The following PCDHA1 variants were observed in gnomAD, a reference collection of about 807,000 sequenced individuals.
The protein encoded by PCDHA1 is protocadherin alpha-1.
A neutral mutation model predicts 61.3 loss-of-function variants in PCDHA1; 42 were observed. The observed-to-expected ratio is 0.69, with a 90% CI of 0.54 to 0.89. PCDHA1 has a LOEUF of 0.89. Among genes scored for constraint, PCDHA1 ranks in the 40% least tolerant of loss-of-function variants. PCDHA1 has a pLI of 0.00. For synonymous variants in PCDHA1, 610 were observed against 553.8 expected (o/e 1.10, Z -1.43); for missense variants, 1,256 against 1,235.3 (o/e 1.02, Z -0.25).
chr5:140,849,138 A>G (rs2150253056), intron 1 of PCDHA1: 1 of 1,337,178 alleles, frequency 7.5e-7, no homozygotes, highest in South Asian at 1.3e-5. Flanking sequence ...GCTCACGGCC[A>G]CCGATGGAGG....
In PCDHA1 at chr5:140,944,191, G is replaced by T. The variant is rs181232402; in HGVS notation, c.2395-34758G>T. The stretch of plus-strand genomic sequence containing the variant: ...GGCTGGTTTTTTGTTGGTTTGTTTT[G>T]TTTTGTTTTGTTTTTAAAGAGGGTT... On this transcript the variant is annotated intron_variant, in intron 1 of 3. Coordinates refer to ENST00000504120, the MANE Select transcript of PCDHA1 (RefSeq NM_018900.4). 9.2e-5 allele frequency among the ~76,000 whole-genome samples: 14 copies of T among 152,098 alleles called. No individual in the cohort carries two copies. The East Asian group carries it at 2.5e-3, about 27-fold the overall frequency.
At chr5:140,968,621 T>C (rs782017664) in intron 1 of PCDHA1, 11 of 1,614,190 alleles carry the variant, frequency 6.8e-6, no homozygotes, top group Non-Finnish European at 8.5e-6. Context: ...GCAAAATGCT[T>C]GGCTTTTTTA....
intron 1 of PCDHA1, chr5:140,807,099 G>A: frequency 7.1e-7 from 1 of 1,404,378 alleles, no homozygotes; most frequent in Non-Finnish European, 9.8e-7. Flanking sequence ...AAATATGGAG[G>A]ATGCAGCTGC....
intron 1 of PCDHA1, among the ~76,000 whole-genome samples, chr5:140,915,155 G>T (rs941034401): frequency 1.3e-5 from 2 of 151,934 alleles, no homozygotes; most frequent in Non-Finnish European, 2.9e-5. Flanking sequence ...CACCATGTTG[G>T]CCAGGATAGT....
intron 1 of PCDHA1, among the ~76,000 whole-genome samples, chr5:140,937,688 G>A (rs112584533): frequency 0.018 from 2,711 of 151,860 alleles, 77 homozygotes; most frequent in African/African-American, 0.063. Context: ...TGAGGCAGGC[G>A]GATCACGAGG....
intron 3 of PCDHA1, among the ~76,000 whole-genome samples, chr5:140,991,069 G>T (rs1156985445): frequency 6.6e-6 from 1 of 152,136 alleles, no homozygotes; most frequent in Non-Finnish European, 1.5e-5. Flanking sequence ...TTATTCCCAT[G>T]TTTCAGATAA....
chr5:140,916,165 G>A (rs567070534), intron 1 of PCDHA1, among the ~76,000 whole-genome samples: 1 of 152,224 alleles, frequency 6.6e-6, no homozygotes, highest in East Asian at 1.9e-4. Context: ...AATGCTGCCA[G>A]GCCTGGGACT....
At chr5:140,960,742 T>C (rs1336861398) in intron 1 of PCDHA1, among the ~76,000 whole-genome samples, 1 of 151,530 alleles carries the variant, frequency 6.6e-6, no homozygotes, top group Non-Finnish European at 1.5e-5. Flanking sequence ...TTTTAGTCCA[T>C]GGCTAAAATC....
At chr5:140,830,546 A>G (rs2150187698) in intron 1 of PCDHA1, 3 of 1,142,724 alleles carry the variant, frequency 2.6e-6, no homozygotes, top group Non-Finnish European at 3.5e-6. Flanking sequence ...TGTTTTCCTC[A>G]TATTTGTCTT....
intron 1 of PCDHA1, among the ~76,000 whole-genome samples, chr5:140,946,691 G>A (rs782114019): frequency 3.4e-5 from 5 of 147,578 alleles, no homozygotes; most frequent in African/African-American, 5.1e-5. Context: ...TGACAATATG[G>A]ATGAATCTGG....
chr5:140,836,240 C>T, intron 1 of PCDHA1: 4 of 1,613,780 alleles, frequency 2.5e-6, no homozygotes, highest in Non-Finnish European at 3.4e-6. Context: ...CCGGTGCGAG[C>T]ATCCCGTTCC....
At chr5:140,822,071 C>G (rs1554128427) in intron 1 of PCDHA1, 1 of 1,614,192 alleles carries the variant, frequency 6.2e-7, no homozygotes, top group Non-Finnish European at 8.5e-7. Flanking sequence ...CGGCGGAGGG[C>G]GGAGTGCAGC....
intron 1 of PCDHA1, chr5:140,968,722 T>A (rs1379540261): frequency 6.2e-7 from 1 of 1,613,728 alleles, no homozygotes; most frequent in Non-Finnish European, 8.5e-7. Context: ...GAGATGAGAG[T>A]GGTAGCACTT....
At position 140,893,180 on chromosome 5, in the gene PCDHA1, C is replaced by T. The variant is rs1388898676; in HGVS notation, c.2395-85769C>T. Among the ~76,000 whole-genome samples, 3 of 152,208 alleles carry T rather than the reference C, an allele frequency of 2.0e-5. No individual in the cohort carries two copies. In the South Asian group the frequency reaches 6.2e-4, roughly 31 times the overall value. On this transcript the variant is annotated intron_variant, in intron 1 of 3. Coordinates refer to ENST00000504120, the MANE Select transcript of PCDHA1 (RefSeq NM_018900.4). ...TATTGAGGTTGATTCCACATAGTAGCTATTGTGAATAGTGCTGCAGTAAGT... is the reference window on the plus strand; with the variant it reads ...TATTGAGGTTGATTCCACATAGTAGTTATTGTGAATAGTGCTGCAGTAAGT...
At chr5:140,928,123 T>C in intron 1 of PCDHA1, 1 of 1,614,200 alleles carries the variant, frequency 6.2e-7, no homozygotes, top group Non-Finnish European at 8.5e-7. Context: ...GATCAGTGAA[T>C]ACCAAGTCCT....
chr5:140,912,500 T>C (rs1554195386), intron 1 of PCDHA1, among the ~76,000 whole-genome samples: 1 of 152,204 alleles, frequency 6.6e-6, no homozygotes, highest in Non-Finnish European at 1.5e-5. Flanking sequence ...TAGGAGCTTT[T>C]TGGATGAATC....
chr5:140,834,601 A>T (rs1377152360), intron 1 of PCDHA1: 1 of 1,613,930 alleles, frequency 6.2e-7, no homozygotes, highest in Non-Finnish European at 8.5e-7. Flanking sequence ...TTCCGTGGGG[A>T]TCTTCTGGAG....
Position 140,803,349 on chromosome 5 carries a change from T to C in PCDHA1, c.2394+14665T>C, listed in dbSNP as rs1763177985. On this transcript the variant is annotated intron_variant, in intron 1 of 3. Transcript: ENST00000504120. The stretch of plus-strand genomic sequence containing the variant: ...TCTGTTGGTGCTCACACTGCTGCTA[T>C]ATACTGCTCTGCGGTGCTCCGCGCC... 1 of 1,614,068 alleles carries C rather than the reference T, an allele frequency of 6.2e-7. No individual in the cohort carries two copies. The highest frequency in any genetic ancestry group is 2.2e-5 in the East Asian group (1 of 44,886).
intron 1 of PCDHA1, chr5:140,841,205 T>G (rs1319319145): frequency 1.5e-6 from 2 of 1,339,602 alleles, no homozygotes; most frequent in African/African-American, 3.0e-5. Context: ...TGACAGCATC[T>G]GTCTCTAAAG....
Sources: allele counts gnomAD v4.1 joint callset (sites outside exome capture counted in the v4.1 genomes callset), GRCh38; gene constraint gnomAD v4.1.1; transcripts MANE v1.5; gene names NCBI Gene and HGNC (gene_info 2026-07-23, HGNC 2026-07-21).